Variants in DCHS2 observed in about 807,000 individuals in gnomAD.
The protein encoded by DCHS2 is dachsous cadherin-related 2.
A neutral mutation model predicts 182.4 loss-of-function variants in DCHS2; 142 were observed. The observed-to-expected ratio is 0.78, with a 90% CI of 0.68 to 0.89. DCHS2 has a LOEUF of 0.89. DCHS2 is among the 40% of genes least tolerant of loss of function. DCHS2 has a pLI of 0.00. For missense variants in DCHS2, 4,319 were observed against 4,198.6 expected (o/e 1.03, Z -0.79); for synonymous variants, 1,740 against 1,663.3 (o/e 1.05, Z -1.12).
chr4:154,487,284 T>C (rs546260061), intron 1 of DCHS2, among the ~76,000 whole-genome samples: 7 of 152,280 alleles, frequency 4.6e-5, no homozygotes, highest in African/African-American at 1.4e-4. Context: ...CCTCTACATT[T>C]CTCAGCCTCC....
intron 2 of DCHS2, 41 bp downstream of exon 2, chr4:154,377,212 T>C (rs763228118): frequency 2.5e-6 from 4 of 1,583,422 alleles, no homozygotes; most frequent in South Asian, 1.2e-5. Context: ...GTGGCTCACT[T>C]GTGATTATGT....
At chr4:154,439,570 T>G (rs1000885255) in intron 1 of DCHS2, among the ~76,000 whole-genome samples, 20 of 152,212 alleles carry the variant, frequency 1.3e-4, no homozygotes, top group African/African-American at 4.6e-4. Context: ...ATTTTCTCCT[T>G]AATCCCATGA....
chr4:154,361,378 T>C (rs529912265), intron 3 of DCHS2, among the ~76,000 whole-genome samples: 2 of 152,050 alleles, frequency 1.3e-5, no homozygotes, highest in African/African-American at 2.4e-5. Flanking sequence ...ACAGAATAAA[T>C]AGGACAAACC....
rs1422315274 is a variant in DCHS2 at position 154,235,524 on chromosome 4, G to A, written c.9128C>T (p.Thr3043Ile). 6.2e-7 allele frequency: 1 copy of A among 1,613,892 alleles called. No individual in the cohort carries two copies. Among genetic ancestry groups the A allele is most frequent in the African/African-American group, 1.3e-5 (1 of 74,888 alleles). The change falls in exon 20 of 20, where the codon ACC becomes ATC. Residue 3043 changes from threonine (T) to isoleucine (I), a missense_variant. Transcript: ENST00000357232. ...GGCTTTGAGCACACTGGCATCCCGGGTCACTCTCAAGTCCGCATCTAAAGA... is the reference window on the plus strand; with the variant it reads ...GGCTTTGAGCACACTGGCATCCCGGATCACTCTCAAGTCCGCATCTAAAGA... ...TSSLDADLRVTRDASVLKAFQ... is the reference protein window; with the variant it reads ...TSSLDADLRVIRDASVLKAFQ...
chr4:154,304,880 T>C lies in DCHS2; in HGVS notation c.5396-2A>G. 1 of 1,604,696 alleles carries C rather than the reference T, an allele frequency of 6.2e-7. No individual in the cohort carries two copies. The highest frequency in any genetic ancestry group is 8.5e-7 in the Non-Finnish European group (1 of 1,175,570). On this transcript the variant is annotated splice_acceptor_variant, in intron 11 of 19. Transcript: ENST00000357232. LOFTEE classifies it high-confidence loss of function. ...GGAATCCCCCATCTCGTACTAGTAC[T>C]GACACAGAACACAAAGACGGTATGA...
At chr4:154,450,644 C>T (rs962417161) in intron 1 of DCHS2, among the ~76,000 whole-genome samples, 5 of 152,010 alleles carry the variant, frequency 3.3e-5, no homozygotes, top group African/African-American at 9.7e-5. Context: ...ACCAGCCTAA[C>T]CAACATGGTG....
In DCHS2 at chr4:154,410,574, C is replaced by CAAAAAA. The variant is rs1160670540; in HGVS notation, c.2053-33136_2053-33131dup. On this transcript the variant is annotated intron_variant, in intron 1 of 19. Coordinates refer to ENST00000357232, the MANE Select transcript of DCHS2 (RefSeq NM_001358235.2). ...ACTTTGACAGAGCAAGACTCCATCT[C>CAAAAAA]AAAAAAAAAAAAAAAAAAAAAAAAA... 5.7e-4 allele frequency among the ~76,000 whole-genome samples: 20 copies of CAAAAAA among 35,386 alleles called. 1 individual carries two copies. The highest frequency in any genetic ancestry group is 1.8e-3 in the African/African-American group (18 of 9,854). 23.2% of individuals were successfully genotyped at this position (35,386 alleles called of 152,430 possible).
intron 1 of DCHS2, among the ~76,000 whole-genome samples, chr4:154,458,904 A>C (rs1010846507): frequency 1.2e-4 from 19 of 152,284 alleles, no homozygotes; most frequent in Admixed American, 2.6e-4. Flanking sequence ...GTTAATCCCC[A>C]AAAAACAATG....
chr4:154,268,238 C>G (rs556763496), intron 14 of DCHS2, among the ~76,000 whole-genome samples: 1 of 130,674 alleles, frequency 7.7e-6, no homozygotes, highest in Non-Finnish European at 1.7e-5. Flanking sequence ...TTTCCCCCCC[C>G]CAAAAAAATA....
intron 1 of DCHS2, among the ~76,000 whole-genome samples, chr4:154,401,956 T>C (rs1413439041): frequency 6.6e-6 from 1 of 152,202 alleles, no homozygotes; most frequent in Non-Finnish European, 1.5e-5. Flanking sequence ...ATCATGCAAC[T>C]TCACTCCAGC....
rs1418834033 is a variant in DCHS2, at chr4:154,304,778, G to A, written c.5496C>T (p.Ser1832=). The A allele has an allele frequency of 6.2e-7, 1 of 1,613,918 alleles. No homozygotes were observed. The highest frequency in any genetic ancestry group is 1.7e-5 in the Admixed American group (1 of 59,998). ...ENDHAPEFIV[S]SYDIEVLENQ... is the part of the protein sequence containing the mutation. The stretch of plus-strand genomic sequence containing the variant: ...TTTCCAGAACCTCAATGTCATAACT[G>A]GAAACAATAAACTCTGGTGCGTGAT... Residue 1832 remains serine (S), a synonymous_variant, in exon 12 of 20, where the codon TCC becomes TCT. Coordinates refer to ENST00000357232, the MANE Select transcript of DCHS2 (RefSeq NM_001358235.2).
chr4:154,390,541 C>T (rs1236669168), intron 1 of DCHS2, among the ~76,000 whole-genome samples: 2 of 152,030 alleles, frequency 1.3e-5, no homozygotes, highest in African/African-American at 4.8e-5. Flanking sequence ...CACACACACA[C>T]ACTAGCCCAA....
intron 14 of DCHS2, chr4:154,269,189 G>C (rs965905147): frequency 7.2e-5 from 11 of 152,146 alleles, no homozygotes; most frequent in Non-Finnish European, 1.0e-4. Context: ...CTGGATGAAA[G>C]GACATTTACC....
chr4:154,410,574 CAAAAAAA>C (rs1160670540), intron 1 of DCHS2, among the ~76,000 whole-genome samples: 4 of 35,388 alleles, frequency 1.1e-4, no homozygotes, highest in Admixed American at 4.9e-4. Context: ...GACTCCATCT[CAAAAAAA>C]AAAAAAAAAA....
chr4:154,247,265 G>A (rs546898982), intron 16 of DCHS2, among the ~76,000 whole-genome samples: 2 of 152,200 alleles, frequency 1.3e-5, no homozygotes, highest in South Asian at 4.1e-4. Context: ...TCATAATAAG[G>A]TCAGGAGTTC....
chr4:154,459,408 A>T (rs755641208), intron 1 of DCHS2, among the ~76,000 whole-genome samples: 16 of 152,140 alleles, frequency 1.1e-4, no homozygotes, highest in Non-Finnish European at 1.5e-4. Flanking sequence ...AAGAGACTTT[A>T]AAAAAATCAT....
At position 154,491,656 on chromosome 4, in the gene DCHS2, A is replaced by G. The variant is rs951829095; in HGVS notation, c.-301T>C. The G allele has an allele frequency of 2.4e-6, 3 of 1,238,972 alleles. No individual in the cohort carries two copies. The highest frequency in any genetic ancestry group is 3.1e-5 in the African/African-American group (2 of 63,862). The allele number at this position is 1,238,972 out of a possible 1,614,324, so 76.7% of individuals were successfully genotyped here. ...TTTTCTCTCTCCTTTTATTCCCTTT[A>G]CATCTGTTCCTTGTTCTACTCGGCT... On this transcript the variant is annotated 5_prime_UTR_variant, in exon 1 of 20. It removes the in-frame stop codon of an upstream open reading frame in the 5' UTR. Transcript: ENST00000357232.
chr4:154,354,141 G>GC (rs1561063370), intron 3 of DCHS2, among the ~76,000 whole-genome samples: 1 of 152,054 alleles, frequency 6.6e-6, no homozygotes, highest in African/African-American at 2.4e-5. Context: ...GCCCAGACTG[G>GC]CCTCGAATTC....
At chr4:154,450,164 C>G (rs72969962) in intron 1 of DCHS2, among the ~76,000 whole-genome samples, 5 of 152,076 alleles carry the variant, frequency 3.3e-5, no homozygotes, top group Non-Finnish European at 7.4e-5. Context: ...AAGAGAAAGG[C>G]GACAGTGGGA....
Sources: allele counts gnomAD v4.1 joint callset (sites outside exome capture counted in the v4.1 genomes callset), GRCh38; gene constraint gnomAD v4.1.1; transcripts MANE v1.5; gene names NCBI Gene and HGNC (gene_info 2026-07-23, HGNC 2026-07-21).